The following SRGAP1 variants were observed in gnomAD, a reference collection of about 807,000 sequenced individuals.
SRGAP1 encodes the protein SLIT-ROBO Rho GTPase-activating protein 1.
In SRGAP1, 43 loss-of-function variants were observed where a neutral mutation model predicts 121.9. That is an observed-to-expected ratio of 0.35 (90% CI 0.28 to 0.46). SRGAP1 has a LOEUF of 0.46. Among genes scored for constraint, SRGAP1 ranks in the 20% least tolerant of loss-of-function variants. The pLI, the probability that SRGAP1 is intolerant of heterozygous loss-of-function variation, is 1.00. For synonymous variants in SRGAP1, 447 were observed against 485.4 expected (o/e 0.92, Z 1.04); for missense variants, 1,102 against 1,350.9 (o/e 0.82, Z 2.89).
rs144123340 is a variant in SRGAP1, at chr12:63,989,813, C to T, written c.264-97C>T. ...AGAGCAGGATGCACAGCACAGTATC[C>T]ATCTGTTGTGGTTCTTTAGTTTGCC... is the stretch of plus-strand genomic sequence containing the variant. On this transcript the variant is annotated intron_variant, in intron 2 of 21. Transcript: ENST00000355086. The T allele has an allele frequency of 4.1e-4, 347 of 847,636 alleles. 2 individuals are homozygous for T. The African/African-American group carries it at 4.9e-3, about 12-fold the overall frequency. The allele number at this position is 847,636 out of a possible 1,614,324, so 52.5% of individuals were successfully genotyped here. A position where few individuals can be genotyped will look rare whatever the true frequency, so the allele number is the denominator to read the frequency against.
chr12:63,985,023 A>C (rs1209761683), intron 2 of SRGAP1, among the ~76,000 whole-genome samples: 1 of 151,956 alleles, frequency 6.6e-6, no homozygotes, highest in Non-Finnish European at 1.5e-5. Flanking sequence ...CTCAAAAAAA[A>C]AAAAAAAAGG....
chr12:63,932,092 A>G (rs956318552), intron 1 of SRGAP1, among the ~76,000 whole-genome samples: 1 of 152,172 alleles, frequency 6.6e-6, no homozygotes, highest in Admixed American at 6.6e-5. Flanking sequence ...CCTGGCCAAC[A>G]CAGTGAAACC....
At chr12:64,004,765 TGAG>T (rs1414536167) in intron 3 of SRGAP1, among the ~76,000 whole-genome samples, 4 of 152,182 alleles carry the variant, frequency 2.6e-5, no homozygotes, top group Non-Finnish European at 5.9e-5. Context: ...AAGACACTGA[TGAG>T]GAGAGAACAT....
chr12:64,132,258 G>A (rs568105102), intron 21 of SRGAP1, among the ~76,000 whole-genome samples: 240 of 152,320 alleles, frequency 1.6e-3, no homozygotes, highest in Non-Finnish European at 2.8e-3. Flanking sequence ...ATTCACCTAT[G>A]GGGGCCTGCC....
At chr12:63,898,645 A>G (rs539898463) in intron 1 of SRGAP1, among the ~76,000 whole-genome samples, 52 of 152,342 alleles carry the variant, frequency 3.4e-4, no homozygotes, top group African/African-American at 1.2e-3. Context: ...GAATTATTCA[A>G]TCTGGAATCA....
chr12:63,888,606 C>T (rs945464191), intron 1 of SRGAP1: 1 of 152,164 alleles, frequency 6.6e-6, no homozygotes, highest in South Asian at 2.1e-4. Flanking sequence ...GCTCTAATGG[C>T]ATGTTCTCAT....
intron 10 of SRGAP1, among the ~76,000 whole-genome samples, chr12:64,086,325 A>G (rs1032087172): frequency 6.6e-6 from 1 of 152,256 alleles, no homozygotes; most frequent in Non-Finnish European, 1.5e-5. Context: ...TCGGAGCCCT[A>G]CAAAAATTCA....
chr12:63,868,716 T>C (rs118024659), intron 1 of SRGAP1, among the ~76,000 whole-genome samples: 5,370 of 152,182 alleles, frequency 0.035, 144 homozygotes, highest in Middle Eastern at 0.085. Flanking sequence ...GGGGGAGAGA[T>C]AATATTTTTA....
chr12:63,967,886 T>A (rs2032833446), intron 1 of SRGAP1, among the ~76,000 whole-genome samples: 1 of 152,198 alleles, frequency 6.6e-6, no homozygotes, highest in Admixed American at 6.5e-5. Flanking sequence ...GAGAAACAGT[T>A]CCAGTAAGCC....
chr12:64,095,294 C>T, intron 14 of SRGAP1, 90 bp downstream of exon 14: 2 of 1,132,460 alleles, frequency 1.8e-6, no homozygotes, highest in Non-Finnish European at 2.6e-6. Context: ...TGTATATCCT[C>T]AAAACCTTTC....
At chr12:64,013,884 G>A (rs1032869418) in intron 3 of SRGAP1, among the ~76,000 whole-genome samples, 8 of 152,180 alleles carry the variant, frequency 5.3e-5, no homozygotes, top group African/African-American at 1.9e-4. Flanking sequence ...TAAAGGCCAG[G>A]GCAGTGGGGA....
At chr12:63,890,081 T>C (rs993939785) in intron 1 of SRGAP1, among the ~76,000 whole-genome samples, 1 of 152,186 alleles carries the variant, frequency 6.6e-6, no homozygotes, top group Admixed American at 6.5e-5. Flanking sequence ...ACATTTATCA[T>C]GTTTCTTGAC....
chr12:63,982,356 A>T (rs899957400), intron 1 of SRGAP1, among the ~76,000 whole-genome samples: 1 of 152,200 alleles, frequency 6.6e-6, no homozygotes, highest in Non-Finnish European at 1.5e-5. Context: ...AAGTATTTAT[A>T]CTCCTTAAAC....
chr12:63,915,599 G>C lies in SRGAP1; in HGVS notation c.68-68348G>C, dbSNP rs558559479. Among the ~76,000 whole-genome samples, 3 of 152,172 alleles carry C rather than the reference G, an allele frequency of 2.0e-5. No individual in the cohort carries two copies. In the East Asian group the frequency reaches 5.8e-4, roughly 29 times the overall value. ...TTGAAGATTTTTAGCTGGAGACACTGAGTGATCATAGCAACCATCTCCAAG... is the reference window on the plus strand; with the variant it reads ...TTGAAGATTTTTAGCTGGAGACACTCAGTGATCATAGCAACCATCTCCAAG... On this transcript the variant is annotated intron_variant, in intron 1 of 21. Coordinates refer to ENST00000355086, the MANE Select transcript of SRGAP1 (RefSeq NM_020762.4).
chr12:63,885,950 T>A (rs1900367116), intron 1 of SRGAP1, among the ~76,000 whole-genome samples: 1 of 152,258 alleles, frequency 6.6e-6, no homozygotes, highest in African/African-American at 2.4e-5. Flanking sequence ...CTATTTCAAA[T>A]GTCCTCATAT....
intron 1 of SRGAP1, among the ~76,000 whole-genome samples, chr12:63,879,934 A>G (rs192236470): frequency 1.3e-5 from 2 of 152,232 alleles, no homozygotes; most frequent in African/African-American, 2.4e-5. Flanking sequence ...TCCATCCATA[A>G]TGGGTTGATA....
intron 6 of SRGAP1, among the ~76,000 whole-genome samples, chr12:64,062,032 C>T (rs375012177): frequency 1.8e-4 from 1 of 5,532 alleles, no homozygotes; most frequent in Non-Finnish European, 2.6e-3. Context: ...TTTCATTTCT[C>T]TTATATATCT....
At position 63,864,786 on chromosome 12, in the gene SRGAP1, C is replaced by T. The variant is rs764121638; in HGVS notation, c.67+19903C>T. On this transcript the variant is annotated intron_variant, in intron 1 of 21. Coordinates refer to ENST00000355086, the MANE Select transcript of SRGAP1 (RefSeq NM_020762.4). Reference sequence around the variant, plus strand: ...AATATGCTGTATAGATAGGATCCTGCGACAGGAAAAGAACATTAGGTAAAA... The same window carrying T: ...AATATGCTGTATAGATAGGATCCTGTGACAGGAAAAGAACATTAGGTAAAA... Among the ~76,000 whole-genome samples the T allele has an allele frequency of 4.0e-5, 6 of 151,648 alleles. No individual in the cohort carries two copies. In the East Asian group the frequency reaches 1.2e-3, roughly 29 times the overall value.
intron 6 of SRGAP1, among the ~76,000 whole-genome samples, chr12:64,056,412 G>A (rs771216381): frequency 7.2e-5 from 11 of 151,948 alleles, no homozygotes; most frequent in Non-Finnish European, 1.6e-4. Context: ...AATTAGCTGG[G>A]CATGATACTA....
Sources: allele counts gnomAD v4.1 joint callset (sites outside exome capture counted in the v4.1 genomes callset), GRCh38; gene constraint gnomAD v4.1.1; transcripts MANE v1.5; gene names NCBI Gene and HGNC (gene_info 2026-07-23, HGNC 2026-07-21).